The following B4GALNT1 variants were observed in gnomAD, a reference collection of about 807,000 sequenced individuals.
The protein encoded by B4GALNT1 is beta-1,4-N-acetyl-galactosaminyltransferase 1.
B4GALNT1 carries 43 observed loss-of-function variants against 55.2 expected under a neutral mutation model. That is an observed-to-expected ratio of 0.78 (90% CI 0.61 to 1.00). The LOEUF (loss-of-function observed/expected upper bound fraction) is 1.00, where lower values mean the gene tolerates loss of function less well. Among genes scored for constraint, B4GALNT1 ranks in the 50% least tolerant of loss-of-function variants. The pLI, the probability that B4GALNT1 is intolerant of heterozygous loss-of-function variation, is 0.00. For synonymous variants in B4GALNT1, 305 were observed against 311.6 expected, an observed-to-expected ratio of 0.98 and a Z score of 0.22; for missense variants, 664 against 729.7, an observed-to-expected ratio of 0.91 and a Z score of 1.04.
chr12:57,624,047 C>T lies in B4GALNT1; in HGVS notation c.*2697G>A. 1 of 1,612,720 alleles carries T rather than the reference C, an allele frequency of 6.2e-7. No homozygotes were observed. The highest frequency in any genetic ancestry group is 1.1e-5 in the South Asian group (1 of 90,878). On this transcript the variant is annotated 3_prime_UTR_variant, in exon 11 of 11. Transcript: ENST00000341156. ...ACATCTCCAGCATGCGCCAGGTGTT[C>T]TGCCAGATGCAGGAACTTCCACAAC...
Position 57,626,570 on chromosome 12 carries a change from G to T in B4GALNT1, c.*174C>A. 1.4e-6 allele frequency: 1 copy of T among 707,044 alleles called. No homozygotes were observed. Among genetic ancestry groups the T allele is most frequent in the Admixed American group, 2.7e-5 (1 of 37,458 alleles). 43.8% of individuals were successfully genotyped at this position (707,044 alleles called of 1,614,324 possible). ...GGCCTCTGGGCACTGGAAAAAGGAG[G>T]GGTGTCACCAGGACAACCCCTACTG... On this transcript the variant is annotated 3_prime_UTR_variant, in exon 11 of 11. Coordinates refer to ENST00000341156, the MANE Select transcript of B4GALNT1 (RefSeq NM_001478.5).
rs775080333 is a variant in B4GALNT1 at position 57,631,087 on chromosome 12, C to T, written c.384-1G>A. 3.1e-6 allele frequency: 5 copies of T among 1,610,954 alleles called. No individual in the cohort carries two copies. The highest frequency in any genetic ancestry group is 4.2e-6 in the Non-Finnish European group (5 of 1,178,628). ...CAGCTGGTCAGCTGGGGACTGGCTCCTGGCAGTGGAGGAAGGAGAGGACAG... is the reference window on the plus strand; with the variant it reads ...CAGCTGGTCAGCTGGGGACTGGCTCTTGGCAGTGGAGGAAGGAGAGGACAG... On this transcript the variant is annotated splice_acceptor_variant, in intron 3 of 10. Coordinates refer to ENST00000341156, the MANE Select transcript of B4GALNT1 (RefSeq NM_001478.5). LOFTEE classifies it high-confidence loss of function.
chr12:57,628,249 C>T lies in B4GALNT1; in HGVS notation c.1016G>A (p.Gly339Asp). Residue 339 changes from glycine (G) to aspartate (D), a missense_variant, in exon 9 of 11, where the codon GGC becomes GAC. Coordinates refer to ENST00000341156, the MANE Select transcript of B4GALNT1 (RefSeq NM_001478.5). Reference protein sequence around the residue: ...LMPFGKGWFAGRNLAVSQVTT... With the variant: ...LMPFGKGWFADRNLAVSQVTT... ...TACTTGAGACACGGCCAGGTTCCGG[C>T]CTGCGAACCAGCCCTGGCAGAAAGG... The T allele has an allele frequency of 6.2e-7, 1 of 1,614,270 alleles. No homozygotes were observed. Among genetic ancestry groups the T allele is most frequent in the Non-Finnish European group, 8.5e-7 (1 of 1,180,048 alleles).
At position 57,628,795 on chromosome 12, in the gene B4GALNT1, G is replaced by A. The variant is rs751841551; in HGVS notation, c.920C>T (p.Thr307Ile). 6.2e-7 allele frequency: 1 copy of A among 1,614,230 alleles called. No homozygotes were observed. The highest frequency in any genetic ancestry group is 1.1e-5 in the South Asian group (1 of 91,074). The change falls in exon 8 of 11, where the codon ACC (threonine) becomes ATC (isoleucine). Residue 307 changes from threonine (T) to isoleucine (I), a missense_variant. By Grantham distance (89) the Thr-to-Ile change is moderately conservative. Coordinates refer to ENST00000341156, the MANE Select transcript of B4GALNT1 (RefSeq NM_001478.5). ...TSIRRFYPTV[T>I]VVIADDSDKP... is the part of the protein sequence containing the mutation. The stretch of plus-strand genomic sequence containing the variant: ...GTCGCTGTCGTCAGCGATGACCACG[G>A]TAACCGTTGGGTAGAAGCGGCGGAT...
chr12:57,625,689 T>G lies in B4GALNT1; in HGVS notation c.*1055A>C, dbSNP rs774895. ...AGCTGCTTATGCCCTGGGGAGCCTG[T>G]TAAGGGGCAGTAGCACCAGGAGCGG... On this transcript the variant is annotated 3_prime_UTR_variant, in exon 11 of 11. Coordinates refer to ENST00000341156, the MANE Select transcript of B4GALNT1 (RefSeq NM_001478.5). 0.99 allele frequency: 1,553,630 copies of G among 1,564,392 alleles called. 771,980 individuals are homozygous for G. The highest frequency in any genetic ancestry group is 1 in the East Asian group (44,518 of 44,518).
In B4GALNT1 at chr12:57,630,602, C is replaced by T. The variant is rs183179516; in HGVS notation, c.491-84G>A. ...TTTCTCTCCCTGCTGTCACCACACA[C>T]AATAGAGAACTTTCCACCTATTCTT... On this transcript the variant is annotated intron_variant, in intron 4 of 10. Transcript: ENST00000341156. 6.7e-3 allele frequency: 9,551 copies of T among 1,435,586 alleles called. 499 individuals are homozygous for T. In the African/African-American group the frequency reaches 0.12, roughly 17 times the overall value. 88.9% of individuals were successfully genotyped at this position (1,435,586 alleles called of 1,614,324 possible).
rs758922224 is a variant in B4GALNT1, at chr12:57,627,645, G to A, written c.1357C>T (p.Pro453Ser). Residue 453 changes from proline (P) to serine (S), a missense_variant, in exon 10 of 11, where the codon CCC becomes TCC. Coordinates refer to ENST00000341156, the MANE Select transcript of B4GALNT1 (RefSeq NM_001478.5). Reference protein sequence around the residue: ...TDKVREVGFDPRLSRVAHLEF... With the variant: ...TDKVREVGFDSRLSRVAHLEF... ...AGATGAGCCACGCGGCTGAGGCGGG[G>A]GTCGAAACCGACCTCGCGCACCTTG... 6.2e-7 allele frequency: 1 copy of A among 1,600,884 alleles called. No homozygotes were observed. The highest frequency in any genetic ancestry group is 8.5e-7 in the Non-Finnish European group (1 of 1,170,614).
rs1884724569 is a variant in B4GALNT1 at position 57,625,212 on chromosome 12, T to A, written c.*1532A>T. The A allele has an allele frequency of 3.7e-6, 6 of 1,613,958 alleles. No individual in the cohort carries two copies. In the Admixed American group the frequency reaches 6.7e-5, roughly 18 times the overall value. On this transcript the variant is annotated 3_prime_UTR_variant, in exon 11 of 11. Transcript: ENST00000341156. The stretch of plus-strand genomic sequence containing the variant: ...GGCATGTTGCATGGTGACACCTGGG[T>A]ACTCCTGTCTTCTCCCATTCTAGTT...
At chr12:57,629,565 A>G in intron 6 of B4GALNT1, 1 of 391,794 alleles carries the variant, frequency 2.6e-6, no homozygotes, top group South Asian at 7.0e-5. Context: ...TAAAAAATTC[A>G]GATACTGGTA....
Position 57,631,213 on chromosome 12 carries a change from C to T in B4GALNT1, c.370G>A (p.Ala124Thr), listed in dbSNP as rs1214519184. 1.9e-6 allele frequency: 3 copies of T among 1,614,032 alleles called. No individual in the cohort carries two copies. The highest frequency in any genetic ancestry group is 1.6e-4 in the Middle Eastern group (1 of 6,084). The part of the protein sequence containing the change: ...ASATREQEFQ[A>T]FLSRSQSPAD... ...TCAAGCTGGTACCTCGACAGAAAGGCCTGGAACTCCTGCTCTCTTGTGGCA... is the reference window on the plus strand; with the variant it reads ...TCAAGCTGGTACCTCGACAGAAAGGTCTGGAACTCCTGCTCTCTTGTGGCA... The change falls in exon 3 of 11, where the codon GCC becomes ACC. Residue 124 changes from alanine to threonine, a missense_variant. Coordinates refer to ENST00000341156, the MANE Select transcript of B4GALNT1 (RefSeq NM_001478.5).
rs760973178 is a variant in B4GALNT1 at position 57,631,313 on chromosome 12, G to T, written c.270C>A (p.Pro90=). 1.4e-5 allele frequency: 22 copies of T among 1,614,002 alleles called. No homozygotes were observed. In the South Asian group the frequency reaches 2.1e-4, roughly 15 times the overall value. ...CSCESSGGGL[P]LPFQKQVRAI... ...CTCGGACTTGTTTCTGGAAGGGGAG[G>T]GGGAGGCCCCCCCCACTGGACTCAC... is the stretch of plus-strand genomic sequence containing the variant. Residue 90 remains proline (P), a synonymous_variant, in exon 3 of 11, where the codon CCC becomes CCA. Coordinates refer to ENST00000341156, the MANE Select transcript of B4GALNT1 (RefSeq NM_001478.5).
In B4GALNT1 at chr12:57,624,119, C is replaced by T. The variant is rs759729651; in HGVS notation, c.*2625G>A. ...ACTTTGTGAGAAATGCCATTACCCC[C>T]AGATTGCCCCCTCTCATCTTGTTAG... is the stretch of plus-strand genomic sequence containing the variant. On this transcript the variant is annotated 3_prime_UTR_variant, in exon 11 of 11. Coordinates refer to ENST00000341156, the MANE Select transcript of B4GALNT1 (RefSeq NM_001478.5). 6.8e-6 allele frequency: 11 copies of T among 1,611,160 alleles called. No individual in the cohort carries two copies. The South Asian group carries it at 1.1e-4, about 16-fold the overall frequency.
At chr12:57,632,718 C>T (rs1367681419) in intron 1 of B4GALNT1, 54 bp downstream of exon 1, 3 of 179,248 alleles carry the variant, frequency 1.7e-5, no homozygotes, top group African/African-American at 7.2e-5. Context: ...CCTCCCGCCT[C>T]CTCCTCCTCC....
Position 57,631,044 on chromosome 12 carries a change from G to A in B4GALNT1, c.426C>T (p.Asn142=), listed in dbSNP as rs1252329008. The change falls in exon 4 of 11, where the codon AAC becomes AAT. Residue 142 remains asparagine (N), a synonymous_variant. Transcript: ENST00000341156. ...PADQLLIAPA[N]SPLQYPLQGV... The stretch of plus-strand genomic sequence containing the variant: ...CCTGTAGGGGGTACTGGAGCGGGGA[G>A]TTGGCAGGGGCTATGAGCAGCTGGT... 6.2e-7 allele frequency: 1 copy of A among 1,613,094 alleles called. No homozygotes were observed. The highest frequency in any genetic ancestry group is 1.1e-5 in the South Asian group (1 of 91,016).
At position 57,629,047 on chromosome 12, in the gene B4GALNT1, C is replaced by A; in HGVS notation, c.811+1G>T. 6.3e-7 allele frequency: 1 copy of A among 1,583,728 alleles called. No homozygotes were observed. The highest frequency in any genetic ancestry group is 1.1e-5 in the South Asian group (1 of 87,302). ...TATGTCCCTGCCCCTACCAGCCTCA[C>A]CTCCCTGGGGTAGAGACCCAGGTGG... On this transcript the variant is annotated splice_donor_variant, in intron 7 of 10. Coordinates refer to ENST00000341156, the MANE Select transcript of B4GALNT1 (RefSeq NM_001478.5). LOFTEE classifies it high-confidence loss of function.
In B4GALNT1 at chr12:57,629,080, C is replaced by T. The variant is rs199613024; in HGVS notation, c.779G>A (p.Arg260Gln). The T allele has an allele frequency of 2.5e-5, 40 of 1,595,538 alleles. No homozygotes were observed. In the South Asian group the frequency reaches 3.0e-4, roughly 12 times the overall value. Residue 260 changes from arginine (R) to glutamine (Q), a missense_variant, in exon 7 of 11, where the codon CGG becomes CAG. Arg to Gln is a conservative substitution (Grantham distance 43). Transcript: ENST00000341156. ...GGGTAGAGACCCAGGTGGGTACAGCCGAGGGTTGGGCGGGTGTCTTATGCG... is the reference window on the plus strand; with the variant it reads ...GGGTAGAGACCCAGGTGGGTACAGCTGAGGGTTGGGCGGGTGTCTTATGCG... Reference protein sequence around the residue: ...TIRIRHPPNPRLYPPGSLPQG... With the variant: ...TIRIRHPPNPQLYPPGSLPQG...
chr12:57,629,768 C>T (rs1885075362), intron 6 of B4GALNT1: 4 of 1,434,060 alleles, frequency 2.8e-6, no homozygotes, highest in Admixed American at 2.8e-5. Flanking sequence ...TGGGGAGAAG[C>T]AAAGAGGGCT....
At chr12:57,627,962 C>T in intron 9 of B4GALNT1, 104 bp from the exon 10 acceptor site, 3 of 1,466,666 alleles carry the variant, frequency 2.0e-6, no homozygotes, top group Non-Finnish European at 9.0e-7. Flanking sequence ...GCCCCATCCT[C>T]TTCCGCTTCA....
Position 57,627,553 on chromosome 12 carries a change from C to A in B4GALNT1, c.1384+65G>T, listed in dbSNP as rs1427611389. On this transcript the variant is annotated intron_variant, in intron 10 of 10. Coordinates refer to ENST00000341156, the MANE Select transcript of B4GALNT1 (RefSeq NM_001478.5). ...CGGGTGCAGCCTAGGAGGAGAGGCGCGTGACCGTGCGCCAGCTCCCCGTGG... is the reference window on the plus strand; with the variant it reads ...CGGGTGCAGCCTAGGAGGAGAGGCGAGTGACCGTGCGCCAGCTCCCCGTGG... 7.9e-6 allele frequency: 12 copies of A among 1,519,438 alleles called. No individual in the cohort carries two copies. The East Asian group carries it at 2.3e-4, about 29-fold the overall frequency. The allele number at this position is 1,519,438 out of a possible 1,614,324, so 94.1% of individuals were successfully genotyped here. A position where few individuals can be genotyped will look rare whatever the true frequency, so the allele number is the denominator to read the frequency against.
Sources: gnomAD v4.1 joint callset for allele counts on GRCh38, gnomAD v4.1.1 for gene constraint, MANE v1.5 for transcripts, NCBI Gene and HGNC (gene_info 2026-07-23, HGNC 2026-07-21) for gene names.